The following PCDHA7 variants were observed in gnomAD, a reference collection of about 807,000 sequenced individuals.
The protein encoded by PCDHA7 is protocadherin alpha 7.
Under a neutral mutation model 57.2 loss-of-function variants are expected in PCDHA7, and 37 were observed. The ratio of observed to expected loss-of-function variants is 0.65; its 90% CI spans 0.50 to 0.85. The LOEUF (loss-of-function observed/expected upper bound fraction) is 0.85, where lower values mean the gene tolerates loss of function less well. Ranked by LOEUF, PCDHA7 falls within the 40% of genes least tolerant of loss-of-function variation. The pLI is 0.00. For missense variants in PCDHA7, 1,188 were observed against 1,241.8 expected, an observed-to-expected ratio of 0.96 and a Z score of 0.65; for synonymous variants, 553 against 558.8, an observed-to-expected ratio of 0.99 and a Z score of 0.15.
Position 140,834,468 on chromosome 5 carries a change from G to A in PCDHA7, c.85G>A (p.Gly29Ser). 1 of 1,614,146 alleles carries A rather than the reference G, an allele frequency of 6.2e-7. No individual in the cohort carries two copies. The highest frequency in any genetic ancestry group is 8.5e-7 in the Non-Finnish European group (1 of 1,180,034). Residue 29 changes from glycine to serine, a missense_variant, in exon 1 of 4, where the codon GGC (glycine) becomes AGC (serine). Gly to Ser is a moderately conservative substitution (Grantham distance 56). This residue lies in a region of PCDHA7 where 194 missense variants were observed against 185.8 expected (regional missense o/e 1.04). Transcript: ENST00000525929. The stretch of plus-strand genomic sequence containing the variant: ...TCTAGCAGCTTGGGAGGCAGGGAGA[G>A]GCCAGCTCCACTACTCGGTCCCCGA... ...IILAAWEAGR[G>S]QLHYSVPEEA...
At chr5:140,916,821 CT>C (rs1452400361) in intron 1 of PCDHA7, among the ~76,000 whole-genome samples, 3 of 152,170 alleles carry the variant, frequency 2.0e-5, no homozygotes, top group Non-Finnish European at 2.9e-5. Flanking sequence ...TGTGCCACCC[CT>C]ATCCCTCTGG....
intron 3 of PCDHA7, among the ~76,000 whole-genome samples, chr5:141,006,959 A>G (rs2098296620): frequency 6.6e-6 from 1 of 152,142 alleles, no homozygotes; most frequent in East Asian, 1.9e-4. Context: ...GTTATACATG[A>G]GATTGGAGCA....
intron 1 of PCDHA7, chr5:140,870,820 G>C (rs1554164732): frequency 1.9e-6 from 3 of 1,613,630 alleles, no homozygotes; most frequent in African/African-American, 1.3e-5. Context: ...TGGCAGCGCG[G>C]GAGGCGCAGT....
chr5:140,971,295 G>C (rs2096467939), intron 1 of PCDHA7, among the ~76,000 whole-genome samples: 2 of 152,232 alleles, frequency 1.3e-5, no homozygotes, highest in South Asian at 4.1e-4. Flanking sequence ...TATGTACTTT[G>C]GTACACAAAC....
At chr5:140,848,891 G>A in intron 1 of PCDHA7, 1 of 1,600,726 alleles carries the variant, frequency 6.2e-7, no homozygotes, top group South Asian at 1.1e-5. Flanking sequence ...ACCCTCCAGT[G>A]TTCCCAGCGA....
chr5:140,920,773 G>A (rs374394320), intron 1 of PCDHA7, among the ~76,000 whole-genome samples: 41 of 151,942 alleles, frequency 2.7e-4, no homozygotes, highest in African/African-American at 9.2e-4. Flanking sequence ...ACACCTGGGA[G>A]GTGGAGGTTG....
chr5:140,869,748 A>G, intron 1 of PCDHA7: 1 of 1,613,334 alleles, frequency 6.2e-7, no homozygotes, highest in Admixed American at 1.7e-5. Flanking sequence ...TAACAGCTAC[A>G]GACGGGGGAA....
intron 1 of PCDHA7, among the ~76,000 whole-genome samples, chr5:140,965,232 G>C (rs192008157): frequency 6.6e-5 from 10 of 152,194 alleles, no homozygotes; most frequent in Non-Finnish European, 1.0e-4. Context: ...GTGAGAACCT[G>C]GGAAGAGTGA....
intron 1 of PCDHA7, chr5:140,850,644 C>G: frequency 6.3e-7 from 1 of 1,598,664 alleles, no homozygotes; most frequent in Non-Finnish European, 8.6e-7. Flanking sequence ...CACGCTGCTG[C>G]TGTACACTGT....
intron 1 of PCDHA7, chr5:140,854,000 C>CA (rs112540154): frequency 0.023 from 8,090 of 347,992 alleles, 12 homozygotes; most frequent in Middle Eastern, 0.03. Flanking sequence ...TCATCTCTGC[C>CA]AAAAAAAAAA....
intron 1 of PCDHA7, chr5:140,871,673 C>A: frequency 8.7e-7 from 1 of 1,142,932 alleles, no homozygotes; most frequent in Non-Finnish European, 1.2e-6. Flanking sequence ...GTCTTTTAAT[C>A]ATATGAATAA....
At chr5:140,952,242 C>T (rs1469286013) in intron 1 of PCDHA7, among the ~76,000 whole-genome samples, 2 of 151,750 alleles carry the variant, frequency 1.3e-5, no homozygotes, top group African/African-American at 4.8e-5. Context: ...CTGCTTAGAA[C>T]TGCTGGTGGA....
intron 1 of PCDHA7, among the ~76,000 whole-genome samples, chr5:140,887,409 T>C (rs1203976948): frequency 6.6e-6 from 1 of 152,184 alleles, no homozygotes; most frequent in African/African-American, 2.4e-5. Context: ...TATCTCATTT[T>C]TATTTTTGAA....
At chr5:140,844,880 C>A (rs1779593021) in intron 1 of PCDHA7, among the ~76,000 whole-genome samples, 2 of 149,342 alleles carry the variant, frequency 1.3e-5, no homozygotes, top group South Asian at 4.2e-4. Context: ...ACCCATTAGA[C>A]TTCGTGCATA....
chr5:140,844,872 C>G (rs925437719), intron 1 of PCDHA7, among the ~76,000 whole-genome samples: 1 of 148,974 alleles, frequency 6.7e-6, no homozygotes, highest in Non-Finnish European at 1.5e-5. Flanking sequence ...TATTAAATAC[C>G]CATTAGACTT....
chr5:140,857,042 C>A, intron 1 of PCDHA7: 1 of 1,595,550 alleles, frequency 6.3e-7, no homozygotes, highest in South Asian at 1.1e-5. Flanking sequence ...TATGGTTGGT[C>A]ACTGCACGGT....
intron 1 of PCDHA7, chr5:140,856,057 C>T: frequency 6.3e-7 from 1 of 1,587,068 alleles, no homozygotes; most frequent in East Asian, 2.2e-5. Flanking sequence ...AGATGGTTTC[C>T]AGATGTAGCT....
In PCDHA7 at chr5:140,883,888, T is replaced by G. The variant is rs781919107; in HGVS notation, c.2355+47150T>G. ...AGTTCCAGGTGAGCGCGCGCGACTC[T>G]GGCGTGCCGCCTCTGGGCAGCAACG... On this transcript the variant is annotated intron_variant, in intron 1 of 3. Transcript: ENST00000525929. 33 of 1,612,942 alleles carry G rather than the reference T, an allele frequency of 2.0e-5. No individual in the cohort carries two copies. In the African/African-American group the frequency reaches 2.1e-4, roughly 10 times the overall value.
intron 1 of PCDHA7, chr5:140,863,348 C>G (rs548906600): frequency 3.0e-5 from 39 of 1,313,260 alleles, no homozygotes; most frequent in Non-Finnish European, 4.0e-5. Flanking sequence ...CTGCTGTACA[C>G]GACGCTGCGG....
Sources: gnomAD v4.1 joint callset for allele counts (sites outside exome capture counted in the v4.1 genomes callset) on GRCh38, gnomAD v4.1.1 for gene constraint, gnomAD v4.1.1 regional missense constraint, MANE v1.5 for transcripts, NCBI Gene and HGNC (gene_info 2026-07-23, HGNC 2026-07-21) for gene names.